The following CCDC178 variants were observed in gnomAD, a reference collection of about 807,000 sequenced individuals.
The protein encoded by CCDC178 is coiled-coil domain containing 178, also known as coiled-coil domain-containing protein 178.
In CCDC178, 126 loss-of-function variants were observed where a neutral mutation model predicts 117.4. That is an observed-to-expected ratio of 1.07 (90% CI 0.93 to 1.24). The LOEUF is 1.24. CCDC178 is among the 50% of genes most tolerant of loss of function. The pLI, the probability that CCDC178 is intolerant of heterozygous loss-of-function variation, is 0.00. For missense variants in CCDC178, 1,030 were observed against 986.9 expected (o/e 1.04, Z -0.59); for synonymous variants, 283 against 313.4 (o/e 0.90, Z 1.02).
At chr18:33,245,052 T>C (rs1487521271) in intron 15 of CCDC178, among the ~76,000 whole-genome samples, 193 bp downstream of exon 15, 1 of 151,984 alleles carries the variant, frequency 6.6e-6, no homozygotes, top group Non-Finnish European at 1.5e-5. Flanking sequence ...ATTAGCTACA[T>C]TGAGCCCTCA....
intron 11 of CCDC178, among the ~76,000 whole-genome samples, chr18:33,301,569 T>C (rs1050821326): frequency 2.0e-5 from 3 of 152,198 alleles, no homozygotes; most frequent in Non-Finnish European, 4.4e-5. Context: ...GCCACAAGAA[T>C]GGAACTGTCA....
At position 33,043,527 on chromosome 18, in the gene CCDC178, G is replaced by A. The variant is rs77414630; in HGVS notation, c.2388+49234C>T. 7.4e-3 allele frequency among the ~76,000 whole-genome samples: 1,132 copies of A among 152,112 alleles called. 8 individuals carry two copies. Among genetic ancestry groups the A allele is most frequent in the African/African-American group, 0.016 (672 of 41,526 alleles). ...GTAAGTTCTTAGAATGGTGTGTGGCGTATTTTAAGTCCTATTTAAGCATTT... is the reference window on the plus strand; with the variant it reads ...GTAAGTTCTTAGAATGGTGTGTGGCATATTTTAAGTCCTATTTAAGCATTT... On this transcript the variant is annotated intron_variant, in intron 21 of 22. Transcript: ENST00000383096.
intron 4 of CCDC178, among the ~76,000 whole-genome samples, chr18:33,390,993 G>GT (rs1351422994): frequency 4.6e-5 from 7 of 150,572 alleles, no homozygotes; most frequent in Admixed American, 1.3e-4. Context: ...TAAGGCAAAA[G>GT]TAAGTTTATA....
intron 11 of CCDC178, among the ~76,000 whole-genome samples, chr18:33,306,636 G>A (rs984683433): frequency 2.1e-5 from 3 of 144,546 alleles, no homozygotes; most frequent in African/African-American, 7.7e-5. Context: ...ATATATATAA[G>A]GTTATATGTT....
chr18:33,119,995 T>C (rs866978952), intron 20 of CCDC178, among the ~76,000 whole-genome samples: 36 of 148,808 alleles, frequency 2.4e-4, no homozygotes, highest in South Asian at 2.1e-4. Context: ...TGAGAACACA[T>C]GGACACAGGA....
At chr18:33,108,959 C>T (rs1419767537) in intron 20 of CCDC178, among the ~76,000 whole-genome samples, 5 of 151,540 alleles carry the variant, frequency 3.3e-5, no homozygotes, top group African/African-American at 1.2e-4. Flanking sequence ...TTGCTTCTTC[C>T]TTCTTGTCGC....
At chr18:33,194,859 G>C (rs1457855169) in intron 20 of CCDC178, among the ~76,000 whole-genome samples, 1 of 144,950 alleles carries the variant, frequency 6.9e-6, no homozygotes, top group Non-Finnish European at 1.5e-5. Flanking sequence ...AGCCCAGGAG[G>C]GTGAGACCAG....
chr18:33,225,012 C>T (rs2059285869), intron 16 of CCDC178, 76 bp from the exon 17 acceptor site: 4 of 1,067,624 alleles, frequency 3.7e-6, no homozygotes, highest in Non-Finnish European at 5.0e-6. Context: ...CAGTGACAGG[C>T]AGTAATATTT....
chr18:33,131,012 C>G (rs986700920), intron 20 of CCDC178, among the ~76,000 whole-genome samples: 1 of 151,888 alleles, frequency 6.6e-6, no homozygotes, highest in Non-Finnish European at 1.5e-5. Flanking sequence ...CCCACTTCAC[C>G]ATCCTATCTC....
chr18:32,952,629 C>A (rs1052989786), intron 22 of CCDC178, among the ~76,000 whole-genome samples: 31 of 152,178 alleles, frequency 2.0e-4, no homozygotes, highest in African/African-American at 7.2e-4. Flanking sequence ...CTCTAACATG[C>A]CCTGGAGACA....
chr18:33,166,549 G>A (rs972333613), intron 20 of CCDC178, among the ~76,000 whole-genome samples: 4 of 152,038 alleles, frequency 2.6e-5, no homozygotes, highest in Admixed American at 2.6e-4. Context: ...TAAGGAAAGA[G>A]TTGTGGTGCT....
intron 14 of CCDC178, among the ~76,000 whole-genome samples, chr18:33,262,870 T>G (rs1599071032): frequency 6.6e-6 from 1 of 152,184 alleles, no homozygotes; most frequent in Non-Finnish European, 1.5e-5. Context: ...TAAGTCAGAT[T>G]AGACTGCAAA....
At chr18:33,172,503 C>G (rs1192681212) in intron 20 of CCDC178, among the ~76,000 whole-genome samples, 1 of 151,848 alleles carries the variant, frequency 6.6e-6, no homozygotes, top group African/African-American at 2.4e-5. Context: ...TATGTTTATA[C>G]ATTTATATTT....
chr18:33,249,243 T>C (rs188332289), intron 14 of CCDC178, among the ~76,000 whole-genome samples: 2 of 152,296 alleles, frequency 1.3e-5, no homozygotes, highest in East Asian at 3.9e-4. Flanking sequence ...TGGTAGTTTC[T>C]TTTGCTGTGC....
In CCDC178 at chr18:32,974,535, G is replaced by A; in HGVS notation, c.2523+12C>T. The A allele has an allele frequency of 1.2e-6, 2 of 1,611,988 alleles. No individual in the cohort carries two copies. The highest frequency in any genetic ancestry group is 8.5e-7 in the Non-Finnish European group (1 of 1,178,998). ...TCAGAATGATCTTTCCTACTTCCCT[G>A]CAATCACCTACCTGCACAGCTAATA... On this transcript the variant is annotated intron_variant, in intron 22 of 22. Transcript: ENST00000383096.
chr18:33,113,193 A>C (rs2057807311), intron 20 of CCDC178, among the ~76,000 whole-genome samples: 1 of 152,096 alleles, frequency 6.6e-6, no homozygotes, highest in African/African-American at 2.4e-5. Flanking sequence ...GTTTTCTTGA[A>C]TAGTAAAACT....
intron 15 of CCDC178, among the ~76,000 whole-genome samples, chr18:33,242,534 C>T (rs1308026227): frequency 6.6e-6 from 1 of 150,666 alleles, no homozygotes; most frequent in Non-Finnish European, 1.5e-5. Context: ...CCAGAATACA[C>T]AAGGAACTCA....
Position 33,211,902 on chromosome 18 carries a change from A to G in CCDC178, c.2232T>C (p.Asp744=), listed in dbSNP as rs2059112467. 6.2e-7 allele frequency: 1 copy of G among 1,602,960 alleles called. No homozygotes were observed. ...LLAVRQKTLQ[D]TQKIIADSLE... is the part of the protein sequence containing the mutation. ...ATGCAAAAATAATACTCACTTGGGT[A>G]TCTTGAAGAGTTTTTTGTCTTACAG... Residue 744 remains aspartate (D), a synonymous_variant, in exon 20 of 23, where the codon GAT becomes GAC. Transcript: ENST00000383096.
At chr18:33,367,911 GTATT>G (rs1268912481) in intron 6 of CCDC178, among the ~76,000 whole-genome samples, 3 of 151,758 alleles carry the variant, frequency 2.0e-5, no homozygotes, top group African/African-American at 2.4e-5. Context: ...GATAAAACTC[GTATT>G]TATTTATTCA....
Sources: allele counts gnomAD v4.1 joint callset (sites outside exome capture counted in the v4.1 genomes callset), GRCh38; gene constraint gnomAD v4.1.1; transcripts MANE v1.5; gene names NCBI Gene and HGNC (gene_info 2026-07-23, HGNC 2026-07-21).